Variants in GTF2H3 observed in about 807,000 individuals in gnomAD.
GTF2H3 encodes TFIIH basal transcription factor complex p34 subunit.
Under a neutral mutation model 51.1 loss-of-function variants are expected in GTF2H3, and 42 were observed. That is an observed-to-expected ratio of 0.82 (90% CI 0.64 to 1.06). The LOEUF is 1.06. Among genes scored for constraint, GTF2H3 ranks in the 50% least tolerant of loss-of-function variants. GTF2H3 has a pLI of 0.00. For missense variants in GTF2H3, 326 were observed against 366.1 expected (o/e 0.89, Z 0.89); for synonymous variants, 123 against 123.8 (o/e 0.99, Z 0.04).
chr12:123,644,591 G>A (rs1239653012), intron 2 of GTF2H3, among the ~76,000 whole-genome samples: 2 of 151,910 alleles, frequency 1.3e-5, no homozygotes, highest in African/African-American at 2.4e-5. Context: ...GCTTGAACCC[G>A]GGAGTTGGAG....
rs917817876 is a variant in GTF2H3 at position 123,633,858 on chromosome 12, C to A, written c.-2C>A. ...GCTCTGCGCTGAGGTGCTGGGACAG[C>A]CATGGTTTCAGACGGTGAGGACCCT... On this transcript the variant is annotated 5_prime_UTR_variant, in exon 1 of 13. Transcript: ENST00000543341. The A allele has an allele frequency of 1.9e-6, 3 of 1,613,254 alleles. No homozygotes were observed. In the African/African-American group the frequency reaches 4.0e-5, roughly 22 times the overall value.
rs1301880379 is a variant in GTF2H3 at position 123,661,134 on chromosome 12, A to G, written c.*899A>G. On this transcript the variant is annotated 3_prime_UTR_variant, in exon 13 of 13. Coordinates refer to ENST00000543341, the MANE Select transcript of GTF2H3 (RefSeq NM_001516.5). ...AAGTGAGACCCCATCTCTACTAAAA[A>G]TTTAAATGTATTTATTAAAACTGTT... The G allele has an allele frequency of 6.6e-6, 1 of 152,160 alleles. No individual in the cohort carries two copies. Among genetic ancestry groups the G allele is most frequent in the Admixed American group, 6.5e-5 (1 of 15,272 alleles). 9.4% of individuals were successfully genotyped at this position (152,160 alleles called of 1,614,324 possible). A position where few individuals can be genotyped will look rare whatever the true frequency, so the allele number is the denominator to read the frequency against.
chr12:123,652,460 A>G, intron 5 of GTF2H3, 72 bp from the exon 6 acceptor site: 4 of 875,538 alleles, frequency 4.6e-6, no homozygotes, highest in Middle Eastern at 3.2e-4. Context: ...ATTGGAGGTT[A>G]TTTTTCTTTT....
intron 1 of GTF2H3, among the ~76,000 whole-genome samples, chr12:123,636,578 C>T (rs1955287018): frequency 6.6e-6 from 1 of 152,152 alleles, no homozygotes; most frequent in Non-Finnish European, 1.5e-5. Context: ...GAGTTCGAGA[C>T]CAGCCTAGGC....
rs1467343463 is a variant in GTF2H3 at position 123,633,848 on chromosome 12, G to T, written c.-12G>T. On this transcript the variant is annotated 5_prime_UTR_variant, in exon 1 of 13. Coordinates refer to ENST00000543341, the MANE Select transcript of GTF2H3 (RefSeq NM_001516.5). ...ACCACCACTTGCTCTGCGCTGAGGTGCTGGGACAGCCATGGTTTCAGACGG... is the reference window on the plus strand; with the variant it reads ...ACCACCACTTGCTCTGCGCTGAGGTTCTGGGACAGCCATGGTTTCAGACGG... 9.3e-6 allele frequency: 15 copies of T among 1,612,986 alleles called. No homozygotes were observed. In the East Asian group the frequency reaches 2.7e-4, roughly 29 times the overall value.
chr12:123,655,676 AT>A, intron 8 of GTF2H3, 94 bp from the exon 9 acceptor site: 1 of 756,916 alleles, frequency 1.3e-6, no homozygotes, highest in South Asian at 1.6e-5. Flanking sequence ...TGAGTGAGCT[AT>A]TTTAAGCATA....
intron 2 of GTF2H3, 144 bp from the exon 3 acceptor site, chr12:123,645,310 TC>T (rs1164591821): frequency 1.7e-6 from 1 of 599,832 alleles, no homozygotes; most frequent in Admixed American, 2.9e-5. Flanking sequence ...ACTCAAGCAG[TC>T]CTCCCACCTT....
In GTF2H3 at chr12:123,661,640, C is replaced by CAA. The variant is rs75226670; in HGVS notation, c.*1416_*1417dup. 35 of 132,900 alleles carry CAA rather than the reference C, an allele frequency of 2.6e-4. No homozygotes were observed. Among genetic ancestry groups the CAA allele is most frequent in the South Asian group, 1.4e-3 (6 of 4,256 alleles). 8.2% of individuals were successfully genotyped at this position (132,900 alleles called of 1,614,324 possible). A position where few individuals can be genotyped will look rare whatever the true frequency, so the allele number is the denominator to read the frequency against. Reference sequence around the variant, plus strand: ...TGGGTGACAGAGCGAGACTCTGTATCAAAAAAAAAAAAGATCGGGCACGTT... The same window carrying CAA: ...TGGGTGACAGAGCGAGACTCTGTATCAAAAAAAAAAAAAAGATCGGGCACGTT... On this transcript the variant is annotated 3_prime_UTR_variant, in exon 13 of 13. Coordinates refer to ENST00000543341, the MANE Select transcript of GTF2H3 (RefSeq NM_001516.5).
Position 123,650,958 on chromosome 12 carries a change from T to C in GTF2H3, c.365-36T>C, listed in dbSNP as rs746178625. ...AATGATTTTAGTTCAAGAAAGTACT[T>C]AAAAATTCCCTTTTAATGTTTTCTG... On this transcript the variant is annotated intron_variant, in intron 4 of 12. Coordinates refer to ENST00000543341, the MANE Select transcript of GTF2H3 (RefSeq NM_001516.5). 5.4e-6 allele frequency: 8 copies of C among 1,493,224 alleles called. No individual in the cohort carries two copies. In the African/African-American group the frequency reaches 6.9e-5, roughly 13 times the overall value. 92.5% of individuals were successfully genotyped at this position (1,493,224 alleles called of 1,614,324 possible).
intron 3 of GTF2H3, among the ~76,000 whole-genome samples, chr12:123,646,013 T>C (rs770352650): frequency 2.0e-5 from 3 of 152,154 alleles, no homozygotes; most frequent in Non-Finnish European, 2.9e-5. Context: ...AACGTTGGCT[T>C]CTAAACCCAA....
At position 123,645,317 on chromosome 12, in the gene GTF2H3, A is replaced by G. The variant is rs1195163762; in HGVS notation, c.94-138A>G. ...ACTCCTGAACTCAAGCAGTCCTCCC[A>G]CCTTGGCCTCTCAGGGTGCTGGGAT... On this transcript the variant is annotated intron_variant, in intron 2 of 12. Transcript: ENST00000543341. The G allele has an allele frequency of 8.2e-6, 5 of 608,538 alleles. No homozygotes were observed. In the Admixed American group the frequency reaches 8.4e-5, roughly 10 times the overall value. The allele number at this position is 608,538 out of a possible 1,614,324, so 37.7% of individuals were successfully genotyped here.
At chr12:123,653,532 C>T (rs550641041) in intron 7 of GTF2H3, among the ~76,000 whole-genome samples, 4 of 151,966 alleles carry the variant, frequency 2.6e-5, no homozygotes, top group East Asian at 3.9e-4. Flanking sequence ...GCCTGTAGTC[C>T]CAGCTACTCG....
Position 123,660,477 on chromosome 12 carries a change from G to T in GTF2H3, c.*242G>T. 1 of 336,694 alleles carries T rather than the reference G, an allele frequency of 3.0e-6. No homozygotes were observed. The highest frequency in any genetic ancestry group is 5.3e-6 in the Non-Finnish European group (1 of 187,510). 20.9% of individuals were successfully genotyped at this position (336,694 alleles called of 1,614,324 possible). A position where few individuals can be genotyped will look rare whatever the true frequency, so the allele number is the denominator to read the frequency against. On this transcript the variant is annotated 3_prime_UTR_variant, in exon 13 of 13. Transcript: ENST00000543341. ...ATGACTGGTTTCTGTCCATGTTTGT[G>T]GCTTTCATTTTTTTAATGGGATGAC...
chr12:123,655,436 A>G, intron 8 of GTF2H3: 1 of 312,220 alleles, frequency 3.2e-6, no homozygotes, highest in Non-Finnish European at 5.8e-6. Context: ...ATGAAGAAAG[A>G]AAACCTCCTT....
At chr12:123,651,196 GT>G in intron 5 of GTF2H3, 140 bp downstream of exon 5, 1 of 583,760 alleles carries the variant, frequency 1.7e-6, no homozygotes, top group Non-Finnish European at 3.1e-6. Flanking sequence ...TTAAAAAATA[GT>G]TTACATTGGC....
chr12:123,654,842 G>C, intron 7 of GTF2H3, 82 bp from the exon 8 acceptor site: 1 of 876,276 alleles, frequency 1.1e-6, no homozygotes, highest in Admixed American at 1.8e-5. Context: ...AATGTTGGTT[G>C]TGGTTCGCAG....
At chr12:123,654,681 G>C (rs1277089172) in intron 7 of GTF2H3, among the ~76,000 whole-genome samples, 3 of 152,008 alleles carry the variant, frequency 2.0e-5, no homozygotes, top group African/African-American at 7.3e-5. Flanking sequence ...TTTGTGTTTT[G>C]GGTGTGCATG....
intron 4 of GTF2H3, chr12:123,650,629 T>C (rs1955508529): frequency 4.7e-6 from 1 of 210,622 alleles, no homozygotes; most frequent in Non-Finnish European, 9.8e-6. Context: ...TACAGTTCAG[T>C]AATGTTGAGT....
intron 7 of GTF2H3, among the ~76,000 whole-genome samples, chr12:123,654,269 G>A (rs1159375467): frequency 1.8e-5 from 2 of 108,124 alleles, no homozygotes; most frequent in African/African-American, 3.6e-5. Context: ...TTGGGGGGGT[G>A]TATTTTGGGG....
Sources: gnomAD v4.1 joint callset for allele counts (sites outside exome capture counted in the v4.1 genomes callset) on GRCh38, gnomAD v4.1.1 for gene constraint, MANE v1.5 for transcripts, NCBI Gene and HGNC (gene_info 2026-07-23, HGNC 2026-07-21) for gene names.